RPA1: variants seen among roughly 807,000 people sequenced by gnomAD.
RPA1 encodes replication protein A1.
RPA1 carries 49 observed loss-of-function variants against 83.0 expected under a neutral mutation model. The observed-to-expected ratio is 0.59, with a 90% CI of 0.47 to 0.75. The LOEUF is 0.75. RPA1 is among the 30% of genes least tolerant of loss of function. The pLI is 0.00. For synonymous variants in RPA1, 279 were observed against 281.8 expected (o/e 0.99, Z 0.10); for missense variants, 693 against 776.1 (o/e 0.89, Z 1.27).
At position 1,830,072 on chromosome 17, in the gene RPA1, G is replaced by C. The variant is rs751026194; in HGVS notation, c.-22G>C. ...AGCTGGAGCTGTTGCGGGGTCCGCGGGGAAGTCTTGGCGGTGGAGCCATGG... is the reference window on the plus strand; with the variant it reads ...AGCTGGAGCTGTTGCGGGGTCCGCGCGGAAGTCTTGGCGGTGGAGCCATGG... On this transcript the variant is annotated 5_prime_UTR_variant, in exon 1 of 17. Coordinates refer to ENST00000254719, the MANE Select transcript of RPA1 (RefSeq NM_002945.5). 5 of 1,249,522 alleles carry C rather than the reference G, an allele frequency of 4.0e-6. No individual in the cohort carries two copies. Among genetic ancestry groups the C allele is most frequent in the African/African-American group, 1.5e-5 (1 of 64,532 alleles). 77.4% of individuals were successfully genotyped at this position (1,249,522 alleles called of 1,614,324 possible).
At chr17:1,870,120 CCA>C (rs1217006081) in intron 5 of RPA1, among the ~76,000 whole-genome samples, 2 of 152,144 alleles carry the variant, frequency 1.3e-5, no homozygotes, top group Non-Finnish European at 2.9e-5. Flanking sequence ...TTCCTCTAAC[CCA>C]GCGTTCTCAC....
rs931328486 is a variant in RPA1 at position 1,899,650 on chromosome 17, A to G, written c.*2475A>G. ...GCTGTCTTCAAAAAGTATAAATACT[A>G]TTGATCGTGGTATTTAATACACTAA... On this transcript the variant is annotated 3_prime_UTR_variant, in exon 17 of 17. Coordinates refer to ENST00000254719, the MANE Select transcript of RPA1 (RefSeq NM_002945.5). 3.9e-5 allele frequency: 6 copies of G among 152,150 alleles called. No homozygotes were observed. The highest frequency in any genetic ancestry group is 1.4e-4 in the African/African-American group (6 of 41,430). 9.4% of individuals were successfully genotyped at this position (152,150 alleles called of 1,614,324 possible).
rs114366142 is a variant in RPA1 at position 1,890,953 on chromosome 17, A to G, written c.1552-880A>G. On this transcript the variant is annotated intron_variant, in intron 14 of 16. Coordinates refer to ENST00000254719, the MANE Select transcript of RPA1 (RefSeq NM_002945.5). Reference sequence around the variant, plus strand: ...TAGAAGGATAGCGTGGGTTAAAGGAAGTGTGAGCCCAGGGTGTGATACCGT... The same window carrying G: ...TAGAAGGATAGCGTGGGTTAAAGGAGGTGTGAGCCCAGGGTGTGATACCGT... Among the ~76,000 whole-genome samples, 151 of 152,338 alleles carry G rather than the reference A, an allele frequency of 9.9e-4. 1 individual carries two copies. The highest frequency in any genetic ancestry group is 3.4e-3 in the African/African-American group (141 of 41,572).
At chr17:1,890,002 A>G (rs1914146320) in intron 14 of RPA1, among the ~76,000 whole-genome samples, 1 of 152,056 alleles carries the variant, frequency 6.6e-6, no homozygotes, top group East Asian at 1.9e-4. Flanking sequence ...CTCCATCTCA[A>G]GAAAAGAGAA....
At chr17:1,881,788 T>A (rs1021899574) in intron 12 of RPA1, among the ~76,000 whole-genome samples, 3 of 152,168 alleles carry the variant, frequency 2.0e-5, no homozygotes, top group Non-Finnish European at 2.9e-5. Context: ...TTGGCATTGA[T>A]CAAAGACAAG....
intron 15 of RPA1, among the ~76,000 whole-genome samples, chr17:1,894,245 T>C (rs1329645642): frequency 6.6e-6 from 1 of 151,944 alleles, no homozygotes; most frequent in Non-Finnish European, 1.5e-5. Flanking sequence ...CAGCTCACTG[T>C]AGCCTCCGCC....
At chr17:1,833,785 T>TA (rs1245284730) in intron 1 of RPA1, among the ~76,000 whole-genome samples, 1 of 151,434 alleles carries the variant, frequency 6.6e-6, no homozygotes, top group Non-Finnish European at 1.5e-5. Context: ...ACCCGGGAGA[T>TA]AGAGGTTCCG....
At chr17:1,877,952 C>T (rs566138041) in intron 8 of RPA1, among the ~76,000 whole-genome samples, 14 of 152,288 alleles carry the variant, frequency 9.2e-5, no homozygotes, top group Admixed American at 2.0e-4. Context: ...CTGAAATTGC[C>T]GGGTGTGGTG....
At chr17:1,875,919 ACTCT>A in intron 7 of RPA1, 126 bp downstream of exon 7, 44 of 859,346 alleles carry the variant, frequency 5.1e-5, no homozygotes, top group Middle Eastern at 4.0e-4. Flanking sequence ...GAATGGGTTT[ACTCT>A]TTTTTTTTTT....
At chr17:1,843,770 A>G (rs967954842) in intron 2 of RPA1, 150 bp from the exon 3 acceptor site, 5 of 595,398 alleles carry the variant, frequency 8.4e-6, no homozygotes, top group African/African-American at 7.5e-5. Context: ...CATCAAATCC[A>G]GTTTTCTTTT....
intron 5 of RPA1, among the ~76,000 whole-genome samples, chr17:1,865,717 A>G (rs943239616): frequency 3.3e-5 from 5 of 152,070 alleles, no homozygotes; most frequent in African/African-American, 1.2e-4. Context: ...ACAAATATAT[A>G]TTCTCGTTCC....
At chr17:1,849,997 C>A (rs1431382879) in intron 4 of RPA1, among the ~76,000 whole-genome samples, 1 of 151,488 alleles carries the variant, frequency 6.6e-6, no homozygotes, top group Non-Finnish European at 1.5e-5. Context: ...CATGGTGAAA[C>A]CCTGTCTCTA....
rs55708106 is a variant in RPA1 at position 1,879,080 on chromosome 17, T to C, written c.759+19T>C. The C allele has an allele frequency of 6.0e-4, 968 of 1,614,072 alleles. 10 individuals carry two copies. The African/African-American group carries it at 0.012, about 20-fold the overall frequency. Reference sequence around the variant, plus strand: ...GAACAAGGTATGGCCGTGCTGACTTTAGAACTGACACCGCCTGGGGGTGGA... The same window carrying C: ...GAACAAGGTATGGCCGTGCTGACTTCAGAACTGACACCGCCTGGGGGTGGA... On this transcript the variant is annotated intron_variant, in intron 9 of 16. Transcript: ENST00000254719.
chr17:1,879,801 C>T, intron 11 of RPA1, 102 bp downstream of exon 11: 1 of 1,449,462 alleles, frequency 6.9e-7, no homozygotes, highest in Non-Finnish European at 9.5e-7. Flanking sequence ...AGGAGGAGCT[C>T]CTGGAGTTGG....
At chr17:1,846,725 A>G (rs9897846) in intron 4 of RPA1, among the ~76,000 whole-genome samples, 2,466 of 152,122 alleles carry the variant, frequency 0.016, 58 homozygotes, top group African/African-American at 0.053. Flanking sequence ...GTTGTTTTCT[A>G]TTTCACTTAT....
intron 14 of RPA1, 137 bp downstream of exon 14, chr17:1,888,988 TC>T: frequency 1.1e-6 from 1 of 881,180 alleles, no homozygotes; most frequent in Non-Finnish European, 1.7e-6. Context: ...GAAGAGCTTA[TC>T]CATCCGCTTT....
At chr17:1,893,019 G>T (rs1445108389) in intron 15 of RPA1, among the ~76,000 whole-genome samples, 1 of 152,188 alleles carries the variant, frequency 6.6e-6, no homozygotes, top group Non-Finnish European at 1.5e-5. Flanking sequence ...AAGATGAAAG[G>T]CTTTGCCATT....
At chr17:1,861,962 C>T (rs1248456256) in intron 5 of RPA1, among the ~76,000 whole-genome samples, 1 of 151,268 alleles carries the variant, frequency 6.6e-6, no homozygotes, top group African/African-American at 2.4e-5. Context: ...TGCAGTGGCG[C>T]GGTCTCGGTT....
intron 5 of RPA1, among the ~76,000 whole-genome samples, chr17:1,855,414 C>T (rs571182556): frequency 1.5e-3 from 230 of 152,116 alleles, no homozygotes; most frequent in African/African-American, 5.4e-3. Flanking sequence ...GTCTCGAACT[C>T]CTGACCTCAA....
Sources: allele counts gnomAD v4.1 joint callset (sites outside exome capture counted in the v4.1 genomes callset), GRCh38; gene constraint gnomAD v4.1.1; transcripts MANE v1.5; gene names NCBI Gene and HGNC (gene_info 2026-07-23, HGNC 2026-07-21).